Variants in NPAS1 observed in about 807,000 individuals in gnomAD.
NPAS1 encodes the protein neuronal PAS domain protein 1.
NPAS1 carries 29 observed loss-of-function variants against 49.2 expected under a neutral mutation model. That is an observed-to-expected ratio of 0.59 (90% CI 0.44 to 0.80). The LOEUF is 0.80. Ranked by LOEUF, NPAS1 falls within the 30% of genes least tolerant of loss-of-function variation. The probability of loss-of-function intolerance (pLI) is 0.00; values close to 1 mark genes in which losing one functional copy is unlikely to be tolerated. For synonymous variants in NPAS1, 408 were observed against 380.4 expected (o/e 1.07, Z -0.84); for missense variants, 825 against 835.5 (o/e 0.99, Z 0.15).
At chr19:47,026,630 T>C (rs1877323325) in intron 3 of NPAS1, among the ~76,000 whole-genome samples, 1 of 152,086 alleles carries the variant, frequency 6.6e-6, no homozygotes, top group African/African-American at 2.4e-5. Flanking sequence ...GAAAAGGCAG[T>C]GGTGCCCTGA....
At position 47,040,547 on chromosome 19, in the gene NPAS1, G is replaced by A; in HGVS notation, c.1066G>A (p.Asp356Asn). The A allele has an allele frequency of 6.3e-7, 1 of 1,576,110 alleles. No homozygotes were observed. Among genetic ancestry groups the A allele is most frequent in the South Asian group, 1.2e-5 (1 of 86,386 alleles). Reference sequence around the variant, plus strand: ...CACGAGGATCCGCCAGAGCCACGTGGACTGTGAGACCCACCTCCACCCACC... The same window carrying A: ...CACGAGGATCCGCCAGAGCCACGTGAACTGTGAGACCCACCTCCACCCACC... ...DATRIRQSHV[D>N]LLDKGQVMTG... is the part of the protein sequence containing the mutation. Residue 356 changes from aspartate to asparagine, a missense_variant, in exon 9 of 12, where the codon GAC (aspartate) becomes AAC (asparagine). Asp to Asn is a conservative substitution (Grantham distance 23, BLOSUM62 1). Coordinates refer to ENST00000602212, the MANE Select transcript of NPAS1 (RefSeq NM_002517.4).
chr19:47,024,742 A>C (rs189439631), intron 3 of NPAS1, among the ~76,000 whole-genome samples: 1 of 151,556 alleles, frequency 6.6e-6, no homozygotes, highest in East Asian at 1.9e-4. Flanking sequence ...CAGATGTTCA[A>C]GTCTAGCCCT....
At chr19:47,035,221 G>GAAGAAGAAGAAGAAGAAGAAGAAGAAGAA (rs56400118) in intron 5 of NPAS1, 2 of 151,774 alleles carry the variant, frequency 1.3e-5, no homozygotes, top group African/African-American at 4.9e-5. Context: ...AGAAGAAGAA[G>GAAGAAGAAGAAGAAGAAGAAGAAGAAGAA]GAAAGGCTTG....
intron 4 of NPAS1, 97 bp downstream of exon 4, chr19:47,032,448 G>C: frequency 1.5e-6 from 2 of 1,362,682 alleles, no homozygotes. Flanking sequence ...TATTGTGGGG[G>C]GTACCTGGAC....
At chr19:47,030,673 A>G (rs2056899927) in intron 3 of NPAS1, among the ~76,000 whole-genome samples, 1 of 103,336 alleles carries the variant, frequency 9.7e-6, no homozygotes, top group African/African-American at 3.6e-5. Flanking sequence ...TTTTTGTCTG[A>G]GACAGAGTCT....
At chr19:47,036,884 AAAC>A (rs956470629) in intron 6 of NPAS1, among the ~76,000 whole-genome samples, 33 of 151,954 alleles carry the variant, frequency 2.2e-4, no homozygotes, top group African/African-American at 3.6e-4. Flanking sequence ...TCTCCAAAAA[AAAC>A]AACAACAACA....
At chr19:47,036,594 A>G (rs1166038188) in intron 6 of NPAS1, among the ~76,000 whole-genome samples, 1 of 152,008 alleles carries the variant, frequency 6.6e-6, no homozygotes, top group Non-Finnish European at 1.5e-5. Flanking sequence ...AAAAAAGGCC[A>G]GGAGTGGTGG....
intron 3 of NPAS1, among the ~76,000 whole-genome samples, chr19:47,023,247 T>C (rs2056852625): frequency 6.6e-6 from 1 of 151,176 alleles, no homozygotes; most frequent in African/African-American, 2.4e-5. Flanking sequence ...AAACATCTTG[T>C]CTATTGTCCC....
In NPAS1 at chr19:47,032,350, A is replaced by G. The variant is rs2056912081; in HGVS notation, c.431A>G (p.Gln144Arg). ...CAGCACCTGGGAGGTCACATCTTGC[A>G]GGTGAGTGAGGCCCCTTCCCTGCCT... is the stretch of plus-strand genomic sequence containing the variant. ...FEQHLGGHIL[Q>R]SLDGFVFALN... is the part of the protein sequence containing the mutation. The change falls in exon 4 of 12, where the codon CAG becomes CGG. Residue 144 changes from glutamine to arginine, a missense_variant and splice_region_variant. Transcript: ENST00000602212. 1 of 1,613,972 alleles carries G rather than the reference A, an allele frequency of 6.2e-7. No homozygotes were observed. The highest frequency in any genetic ancestry group is 8.5e-7 in the Non-Finnish European group (1 of 1,179,948).
Position 47,025,075 on chromosome 19 carries a change from C to T in NPAS1, c.358+3228C>T, listed in dbSNP as rs8108215. ...CCTCCCAAAGTGCTGGGATTGCAGG[C>T]GTGAGGCGCCGTGCCCGGCTTTTAC... On this transcript the variant is annotated intron_variant, in intron 3 of 11. Transcript: ENST00000602212. Among the ~76,000 whole-genome samples the T allele has an allele frequency of 5.0e-3, 607 of 121,530 alleles. 45 individuals are homozygous for T. Among genetic ancestry groups the T allele is most frequent in the African/African-American group, 0.015 (597 of 39,016 alleles). 79.7% of individuals were successfully genotyped at this position (121,530 alleles called of 152,430 possible).
In NPAS1 at chr19:47,042,665, T is replaced by C. The variant is rs77909343; in HGVS notation, c.1218-145T>C. On this transcript the variant is annotated intron_variant, in intron 10 of 11. Transcript: ENST00000602212. ...GTCAACCCGGAGTTTAGGGATCTGG[T>C]GTTGAGCCTTGTAAGTGCCTCAGGG... The C allele has an allele frequency of 6.0e-3, 3,423 of 567,710 alleles. 15 individuals are homozygous for C. The highest frequency in any genetic ancestry group is 9.3e-3 in the Admixed American group (245 of 26,290). 35.2% of individuals were successfully genotyped at this position (567,710 alleles called of 1,614,324 possible). A position where few individuals can be genotyped will look rare whatever the true frequency, so the allele number is the denominator to read the frequency against.
At chr19:47,037,918 C>G (rs114910109) in intron 6 of NPAS1, among the ~76,000 whole-genome samples, 4,051 of 152,306 alleles carry the variant, frequency 0.027, 156 homozygotes, top group African/African-American at 0.091. Context: ...CTGGGCCAGC[C>G]CCTGTCCTGG....
At chr19:47,032,519 C>T in intron 4 of NPAS1, 124 bp from the exon 5 acceptor site, 1 of 1,101,724 alleles carries the variant, frequency 9.1e-7, no homozygotes, top group Non-Finnish European at 1.4e-6. Context: ...CACTGAAGCC[C>T]CCTCCCCACC....
At position 47,039,501 on chromosome 19, in the gene NPAS1, T is replaced by C. The variant is rs755976919; in HGVS notation, c.899T>C (p.Leu300Pro). ...LPPAPLAELPLHGHMIVFRLS... is the reference protein window; with the variant it reads ...LPPAPLAELPPHGHMIVFRLS... Reference sequence around the variant, plus strand: ...CCGGCCCCCCTGGCTGAGCTGCCACTCCATGGACACATGATCGTCTTCCGT... The same window carrying C: ...CCGGCCCCCCTGGCTGAGCTGCCACCCCATGGACACATGATCGTCTTCCGT... Residue 300 changes from leucine to proline, a missense_variant, in exon 8 of 12, where the codon CTC becomes CCC. By Grantham distance (98) the Leu-to-Pro change is moderately conservative. Transcript: ENST00000602212. 2 of 1,611,056 alleles carry C rather than the reference T, an allele frequency of 1.2e-6. No homozygotes were observed. The highest frequency in any genetic ancestry group is 2.2e-5 in the East Asian group (1 of 44,776).
intron 9 of NPAS1, 154 bp downstream of exon 9, chr19:47,040,704 C>A: frequency 1.6e-6 from 1 of 614,694 alleles, no homozygotes. Flanking sequence ...GGAAGAGCAG[C>A]AAGGAGACTG....
In NPAS1 at chr19:47,042,757, G is replaced by C. The variant is rs577889825; in HGVS notation, c.1218-53G>C. ...CACAAGTTGGGTAAAGCAGGAGGGA[G>C]TCCTGAGAGGCCAAGGACCCCTGGC... is the stretch of plus-strand genomic sequence containing the variant. On this transcript the variant is annotated intron_variant, in intron 10 of 11. Transcript: ENST00000602212. 5.3e-5 allele frequency: 78 copies of C among 1,477,244 alleles called. 1 individual carries two copies. The South Asian group carries it at 8.4e-4, about 16-fold the overall frequency. 91.5% of individuals were successfully genotyped at this position (1,477,244 alleles called of 1,614,324 possible).
chr19:47,040,423 C>G (rs748411995), intron 8 of NPAS1, 21 bp from the exon 9 acceptor site: 1 of 1,545,780 alleles, frequency 6.5e-7, no homozygotes, highest in African/African-American at 1.4e-5. Context: ...GACTCCTCCC[C>G]TCTTCTCTGT....
At chr19:47,023,767 A>T (rs2122434916) in intron 3 of NPAS1, among the ~76,000 whole-genome samples, 1 of 152,274 alleles carries the variant, frequency 6.6e-6, no homozygotes, top group South Asian at 2.1e-4. Flanking sequence ...AGCCAGGGCA[A>T]CATAGCAAAA....
At chr19:47,020,626 G>C (rs2056832825) in intron 1 of NPAS1, among the ~76,000 whole-genome samples, 1 of 151,978 alleles carries the variant, frequency 6.6e-6, no homozygotes, top group African/African-American at 2.4e-5. Flanking sequence ...CGGGGGCTGG[G>C]GCGTGCGTGC....
Sources: gnomAD v4.1 joint callset for allele counts (sites outside exome capture counted in the v4.1 genomes callset) on GRCh38, gnomAD v4.1.1 for gene constraint, MANE v1.5 for transcripts, NCBI Gene and HGNC (gene_info 2026-07-23, HGNC 2026-07-21) for gene names.